Variants in CCM2L observed in about 807,000 individuals in gnomAD.
CCM2L encodes cerebral cavernous malformations 2 protein-like.
In CCM2L, 36 loss-of-function variants were observed where a neutral mutation model predicts 54.1. The ratio of observed to expected loss-of-function variants is 0.67; its 90% CI spans 0.51 to 0.88. The LOEUF is 0.88. Among genes scored for constraint, CCM2L ranks in the 40% least tolerant of loss-of-function variants. The probability of loss-of-function intolerance (pLI) is 0.00; values close to 1 mark genes in which losing one functional copy is unlikely to be tolerated. For missense variants in CCM2L, 700 were observed against 812.1 expected (o/e 0.86, Z 1.68); for synonymous variants, 351 against 359.3 (o/e 0.98, Z 0.26).
chr20:32,010,517 G>C (rs1422519104), intron 1 of CCM2L, 33 bp downstream of exon 1: 2 of 1,505,360 alleles, frequency 1.3e-6, no homozygotes, highest in East Asian at 5.2e-5. Context: ...CGAAGGGAGA[G>C]GAATGTCCCC....
chr20:32,021,367 A>G (rs2064805409), intron 5 of CCM2L, among the ~76,000 whole-genome samples: 1 of 152,278 alleles, frequency 6.6e-6, no homozygotes, highest in Middle Eastern at 3.4e-3. Flanking sequence ...TAATAGGACT[A>G]AGTTGGAATT....
At chr20:32,028,969 G>A in intron 7 of CCM2L, 26 bp from the exon 8 acceptor site, 1 of 1,613,238 alleles carries the variant, frequency 6.2e-7, no homozygotes, top group Non-Finnish European at 8.5e-7. Context: ...GGAGGCGAGT[G>A]AAGGCCCTTC....
In CCM2L at chr20:32,029,695, CA is replaced by C; in HGVS notation, c.1264-4del. The C allele has an allele frequency of 6.2e-7, 1 of 1,604,526 alleles. No individual in the cohort carries two copies. ...GATTGATCTCGAATGGTGTCCCCCA[CA>C]TAGTTGCGGAGTAAGCTGGGGCCCC... On this transcript the variant is annotated splice_region_variant and splice_polypyrimidine_tract_variant and intron_variant, in intron 8 of 9. Transcript: ENST00000452892.
chr20:32,029,262 A>G, intron 8 of CCM2L, 138 bp downstream of exon 8: 1 of 1,238,642 alleles, frequency 8.1e-7, no homozygotes, highest in South Asian at 1.4e-5. Context: ...AGGTTAGGAG[A>G]GTAAACTGAG....
rs1436560430 is a variant in CCM2L, at chr20:32,031,297, G to A, written c.1699G>A (p.Glu567Lys). 2 of 1,285,778 alleles carry A rather than the reference G, an allele frequency of 1.6e-6. No homozygotes were observed. The highest frequency in any genetic ancestry group is 2.0e-6 in the Non-Finnish European group (2 of 986,266). The allele number at this position is 1,285,778 out of a possible 1,614,324, so 79.6% of individuals were successfully genotyped here. A position where few individuals can be genotyped will look rare whatever the true frequency, so the allele number is the denominator to read the frequency against. ...CTCCAGGGGCGGGAGCGACGCCGCAGAAGACAACTACCTGTAGCCACCGCC... is the reference window on the plus strand; with the variant it reads ...CTCCAGGGGCGGGAGCGACGCCGCAAAAGACAACTACCTGTAGCCACCGCC... ...RGSRGGSDAA[E>K]DNYL Residue 567 changes from glutamate to lysine, a missense_variant, in exon 10 of 10, where the codon GAA becomes AAA. By Grantham distance (56) the Glu-to-Lys change is moderately conservative. Transcript: ENST00000452892.
At chr20:32,013,875 C>T (rs2064715277) in intron 1 of CCM2L, among the ~76,000 whole-genome samples, 1 of 152,178 alleles carries the variant, frequency 6.6e-6, no homozygotes, top group African/African-American at 2.4e-5. Flanking sequence ...GCCCTACTCC[C>T]AGAGTTTCTA....
chr20:32,010,560 T>TGGGGGGGG, intron 1 of CCM2L, 76 bp downstream of exon 1: 2 of 105,750 alleles, frequency 1.9e-5, no homozygotes, highest in East Asian at 1.7e-4. Flanking sequence ...TGGGGCGGGG[T>TGGGGGGGG]GGGGGGTCGG....
In CCM2L at chr20:32,029,037, G is replaced by T; in HGVS notation, c.1176G>T (p.Thr392=). ...QDTFEACYSG[T]STPSFHGSHC... ...CCTTTGAAGCATGTTACAGCGGCAC[G>T]TCCACACCTTCTTTCCATGGCTCCC... The change falls in exon 8 of 10, where the codon ACG becomes ACT. Residue 392 remains threonine (T), a synonymous_variant. Transcript: ENST00000452892. 1.2e-6 allele frequency: 2 copies of T among 1,614,108 alleles called. No individual in the cohort carries two copies. The highest frequency in any genetic ancestry group is 1.7e-6 in the Non-Finnish European group (2 of 1,179,978).
At chr20:32,016,216 G>A (rs2064740405) in intron 2 of CCM2L, among the ~76,000 whole-genome samples, 1 of 152,030 alleles carries the variant, frequency 6.6e-6, no homozygotes, top group Admixed American at 6.6e-5. Flanking sequence ...ATTGATATGG[G>A]GGTAGGGTTG....
intron 9 of CCM2L, among the ~76,000 whole-genome samples, chr20:32,030,702 G>C (rs1009411712): frequency 6.6e-6 from 1 of 151,782 alleles, no homozygotes; most frequent in Non-Finnish European, 1.5e-5. Context: ...GGGCGTGGTG[G>C]TGTGCGCCTG....
At chr20:32,013,411 G>A (rs2064710280) in intron 1 of CCM2L, among the ~76,000 whole-genome samples, 1 of 152,142 alleles carries the variant, frequency 6.6e-6, no homozygotes, top group Admixed American at 6.5e-5. Flanking sequence ...TCCCCCCGTA[G>A]TTCGTGTGTG....
chr20:32,014,360 G>A (rs185404835), intron 1 of CCM2L, among the ~76,000 whole-genome samples: 1 of 150,806 alleles, frequency 6.6e-6, no homozygotes, highest in African/African-American at 2.4e-5. Context: ...CTGCCTCCTG[G>A]GTTCAAGTGA....
chr20:32,014,826 T>G lies in CCM2L; in HGVS notation c.31-78T>G, dbSNP rs145867082. The G allele has an allele frequency of 1.4e-4, 194 of 1,342,396 alleles. 3 individuals are homozygous for G. The East Asian group carries it at 5.0e-3, about 34-fold the overall frequency. 83.2% of individuals were successfully genotyped at this position (1,342,396 alleles called of 1,614,324 possible). ...TTTTGGTGAGAATTAAATTAGGTAA[T>G]GTAAGTAAAAGTGAGCATAGTAAGA... On this transcript the variant is annotated intron_variant, in intron 1 of 9. Coordinates refer to ENST00000452892, the MANE Select transcript of CCM2L (RefSeq NM_001365692.1).
At chr20:32,022,834 A>T (rs1450082001) in intron 6 of CCM2L, 39 bp downstream of exon 6, 1 of 1,607,158 alleles carries the variant, frequency 6.2e-7, no homozygotes, top group Non-Finnish European at 8.5e-7. Flanking sequence ...CCTGTGAAAC[A>T]TCCCAAAAAG....
At chr20:32,014,027 G>A (rs190381792) in intron 1 of CCM2L, among the ~76,000 whole-genome samples, 340 of 152,172 alleles carry the variant, frequency 2.2e-3, no homozygotes, top group Non-Finnish European at 3.5e-3. Flanking sequence ...TGGCTGGTCT[G>A]GGCTGAGCCC....
Position 32,022,758 on chromosome 20 carries a change from C to T in CCM2L, c.1032C>T (p.Tyr344=). The part of the protein sequence containing the change: ...IECVDRAGYH[Y]TSTPERPWLC... ...GTGTGGACCGGGCTGGCTACCACTA[C>T]ACATCCACACCTGAACGGCCATGGC... Residue 344 remains tyrosine, a synonymous_variant, in exon 6 of 10, where the codon TAC becomes TAT. Coordinates refer to ENST00000452892, the MANE Select transcript of CCM2L (RefSeq NM_001365692.1). The T allele has an allele frequency of 1.2e-6, 2 of 1,613,604 alleles. No homozygotes were observed. Among genetic ancestry groups the T allele is most frequent in the Non-Finnish European group, 1.7e-6 (2 of 1,179,988 alleles).
chr20:32,031,113 C>T lies in CCM2L; in HGVS notation c.1515C>T (p.Arg505=), dbSNP rs994559176. 7.7e-7 allele frequency: 1 copy of T among 1,304,240 alleles called. No homozygotes were observed. Among genetic ancestry groups the T allele is most frequent in the Non-Finnish European group, 1.0e-6 (1 of 988,952 alleles). 80.8% of individuals were successfully genotyped at this position (1,304,240 alleles called of 1,614,324 possible). Reference sequence around the variant, plus strand: ...CTGACAGCTTCGGCCGCATCAAGCGCAGCATGAGCTCCACGTCGGCCTCCG... The same window carrying T: ...CTGACAGCTTCGGCCGCATCAAGCGTAGCATGAGCTCCACGTCGGCCTCCG... ...ILTDSFGRIK[R]SMSSTSASAV... is the part of the protein sequence containing the mutation. The change falls in exon 10 of 10, where the codon CGC becomes CGT. Residue 505 remains arginine, a synonymous_variant. Transcript: ENST00000452892.
chr20:32,019,171 G>T lies in CCM2L; in HGVS notation c.695G>T (p.Arg232Leu), dbSNP rs1365425217. The change falls in exon 5 of 10, where the codon CGG (arginine) becomes CTG (leucine). Residue 232 changes from arginine to leucine, a missense_variant. Coordinates refer to ENST00000452892, the MANE Select transcript of CCM2L (RefSeq NM_001365692.1). The part of the protein sequence containing the change: ...GSLERQRAGA[R>L]ASGSWERRQT... ...TTGGAGCGCCAGCGCGCCGGGGCGC[G>T]GGCGTCGGGCAGCTGGGAGCGACGG... The T allele has an allele frequency of 8.0e-6, 9 of 1,118,608 alleles. No individual in the cohort carries two copies. Among genetic ancestry groups the T allele is most frequent in the Middle Eastern group, 7.3e-4 (2 of 2,750 alleles). 69.3% of individuals were successfully genotyped at this position (1,118,608 alleles called of 1,614,324 possible).
chr20:32,017,192 G>C (rs941885058), intron 2 of CCM2L, among the ~76,000 whole-genome samples: 2 of 152,100 alleles, frequency 1.3e-5, no homozygotes, highest in Non-Finnish European at 2.9e-5. Context: ...GCTAACATTA[G>C]GATATAAGAG....
Sources: gnomAD v4.1 joint callset for allele counts (sites outside exome capture counted in the v4.1 genomes callset) on GRCh38, gnomAD v4.1.1 for gene constraint, MANE v1.5 for transcripts, NCBI Gene and HGNC (gene_info 2026-07-23, HGNC 2026-07-21) for gene names.